Variants in FRRS1L observed in about 807,000 individuals in gnomAD.
FRRS1L encodes the protein ferric chelate reductase 1 like, also known as DOMON domain-containing protein FRRS1L.
In FRRS1L, 22 loss-of-function variants were observed where a neutral mutation model predicts 28.6. The observed-to-expected ratio is 0.77, with a 90% CI of 0.55 to 1.10. FRRS1L has a LOEUF of 1.10. FRRS1L is among the 50% of genes least tolerant of loss of function. FRRS1L has a pLI of 0.00. For synonymous variants in FRRS1L, 158 were observed against 151.4 expected, an observed-to-expected ratio of 1.04 and a Z score of -0.32; for missense variants, 380 against 386.9, an observed-to-expected ratio of 0.98 and a Z score of 0.15.
chr9:109,161,858 G>T (rs547127103), intron 1 of FRRS1L, among the ~76,000 whole-genome samples: 1 of 152,238 alleles, frequency 6.6e-6, no homozygotes, highest in African/African-American at 2.4e-5. Flanking sequence ...TCTTTTCAGG[G>T]TCGTATTATG....
chr9:109,132,831 C>T lies in FRRS1L; in HGVS notation c.*4624G>A, dbSNP rs1210425338. On this transcript the variant is annotated 3_prime_UTR_variant, in exon 5 of 5. Transcript: ENST00000561981. ...CAATTAAGTTTTATTGGAACATAGC[C>T]ATGCTCATTCATTTATGTATTGTTT... The T allele has an allele frequency of 6.6e-6, 1 of 152,160 alleles. No individual in the cohort carries two copies. Among genetic ancestry groups the T allele is most frequent in the Non-Finnish European group, 1.5e-5 (1 of 68,042 alleles). 9.4% of individuals were successfully genotyped at this position (152,160 alleles called of 1,614,324 possible). A position where few individuals can be genotyped will look rare whatever the true frequency, so the allele number is the denominator to read the frequency against.
intron 2 of FRRS1L, chr9:109,148,200 C>T (rs1026325709): frequency 6.6e-6 from 1 of 152,056 alleles, no homozygotes; most frequent in African/African-American, 2.4e-5. Context: ...AACTCCTGAC[C>T]TCAGGTGATC....
intron 1 of FRRS1L, among the ~76,000 whole-genome samples, chr9:109,161,646 T>C (rs1831481923): frequency 6.6e-6 from 1 of 152,240 alleles, no homozygotes; most frequent in African/African-American, 2.4e-5. Flanking sequence ...CAATCCCTTT[T>C]ACCACACTCT....
intron 3 of FRRS1L, 21 bp from the exon 4 acceptor site, chr9:109,141,610 G>GAAAAAAAAAAA: frequency 1.3e-6 from 2 of 1,490,724 alleles, no homozygotes; most frequent in Admixed American, 4.0e-5. Flanking sequence ...AAATGATTGA[G>GAAAAAAAAAAA]AAAAAAAAAA....
intron 1 of FRRS1L, among the ~76,000 whole-genome samples, chr9:109,163,530 T>C (rs1831504875): frequency 6.6e-6 from 1 of 152,152 alleles, no homozygotes; most frequent in Non-Finnish European, 1.5e-5. Flanking sequence ...ATCATTTTCT[T>C]GAGACAGCAA....
chr9:109,141,113 G>A (rs980248359), intron 4 of FRRS1L: 19 of 578,468 alleles, frequency 3.3e-5, no homozygotes, highest in African/African-American at 3.0e-4. Context: ...ATACTATCTT[G>A]TACTGCTGTA....
Position 109,166,997 on chromosome 9 carries a change from C to A in FRRS1L, c.142G>T (p.Gly48Trp). 1 of 1,259,686 alleles carries A rather than the reference C, an allele frequency of 7.9e-7. No homozygotes were observed. 78.0% of individuals were successfully genotyped at this position (1,259,686 alleles called of 1,614,324 possible). ...ACCGCCTCGTCGGCGCCCGTGTCCC[C>A]CCGCGCGCGTCCCCGGGGTCCCCGG... The part of the protein sequence containing the change: ...GGRGPRGRAR[G>W]DTGADEAVPR... Residue 48 changes from glycine (G) to tryptophan (W), a missense_variant, in exon 1 of 5, where the codon GGG (glycine) becomes TGG (tryptophan). Gly to Trp is a radical substitution (Grantham distance 184). Coordinates refer to ENST00000561981, the MANE Select transcript of FRRS1L (RefSeq NM_014334.4).
chr9:109,152,439 C>T lies in FRRS1L; in HGVS notation c.239-2719G>A, dbSNP rs571617541. Among the ~76,000 whole-genome samples, 18 of 152,010 alleles carry T rather than the reference C, an allele frequency of 1.2e-4. No homozygotes were observed. In the South Asian group the frequency reaches 2.3e-3, roughly 19 times the overall value. On this transcript the variant is annotated intron_variant, in intron 1 of 4. Coordinates refer to ENST00000561981, the MANE Select transcript of FRRS1L (RefSeq NM_014334.4). ...CTGGGATTACAGGCATGAGCCACTG[C>T]GCCTGGCCCTATTAAATTTTGTAAA...
chr9:109,155,981 T>A (rs78945649), intron 1 of FRRS1L, among the ~76,000 whole-genome samples: 9,564 of 152,152 alleles, frequency 0.063, 377 homozygotes, highest in African/African-American at 0.091. Flanking sequence ...AGAAAAAAAA[T>A]GGATGCTTGC....
At chr9:109,166,715 C>A (rs1831554752) in intron 1 of FRRS1L, among the ~76,000 whole-genome samples, 186 bp downstream of exon 1, 1 of 152,018 alleles carries the variant, frequency 6.6e-6, no homozygotes, top group Admixed American at 6.5e-5. Flanking sequence ...TTGGGCCTTT[C>A]CTCCAGGCCG....
chr9:109,156,572 G>T (rs1831409249), intron 1 of FRRS1L, among the ~76,000 whole-genome samples: 1 of 151,006 alleles, frequency 6.6e-6, no homozygotes, highest in Non-Finnish European at 1.5e-5. Context: ...TGTACTTTTA[G>T]TAGAGACGGG....
At chr9:109,154,544 C>G (rs561074466) in intron 1 of FRRS1L, among the ~76,000 whole-genome samples, 1 of 152,146 alleles carries the variant, frequency 6.6e-6, no homozygotes, top group African/African-American at 2.4e-5. Context: ...TTAGACAATT[C>G]TAATGGGAAA....
rs1033991117 is a variant in FRRS1L, at chr9:109,133,352, GAT to G, written c.*4101_*4102del. ...ATGCTTTTAAGCAGAAAAGAAAGTT[GAT>G]ATAGAGTAAAACATGCTCCTTTCCT... On this transcript the variant is annotated 3_prime_UTR_variant, in exon 5 of 5. Coordinates refer to ENST00000561981, the MANE Select transcript of FRRS1L (RefSeq NM_014334.4). 6.6e-6 allele frequency: 1 copy of G among 152,172 alleles called. No homozygotes were observed. The highest frequency in any genetic ancestry group is 2.4e-5 in the African/African-American group (1 of 41,452). 9.4% of individuals were successfully genotyped at this position (152,172 alleles called of 1,614,324 possible).
intron 1 of FRRS1L, among the ~76,000 whole-genome samples, chr9:109,163,389 G>C (rs369340557): frequency 1.3e-5 from 2 of 152,200 alleles, no homozygotes; most frequent in African/African-American, 2.4e-5. Flanking sequence ...ATCAGGGAAG[G>C]CTTCCTGAAA....
chr9:109,163,441 G>T (rs544643230), intron 1 of FRRS1L, among the ~76,000 whole-genome samples: 1 of 152,240 alleles, frequency 6.6e-6, no homozygotes, highest in African/African-American at 2.4e-5. Context: ...GAGTAGTATA[G>T]GCTTAGACAG....
chr9:109,142,676 T>C (rs561774932), intron 3 of FRRS1L, among the ~76,000 whole-genome samples: 3 of 152,180 alleles, frequency 2.0e-5, no homozygotes, highest in Non-Finnish European at 4.4e-5. Context: ...TAGCTGGGCA[T>C]GGGGCTCATG....
At position 109,131,726 on chromosome 9, in the gene FRRS1L, G is replaced by C. The variant is rs1831058562; in HGVS notation, c.*5729C>G. 6.6e-6 allele frequency: 1 copy of C among 152,190 alleles called. No individual in the cohort carries two copies. The allele number at this position is 152,190 out of a possible 1,614,324, so 9.4% of individuals were successfully genotyped here. A position where few individuals can be genotyped will look rare whatever the true frequency, so the allele number is the denominator to read the frequency against. On this transcript the variant is annotated 3_prime_UTR_variant, in exon 5 of 5. Coordinates refer to ENST00000561981, the MANE Select transcript of FRRS1L (RefSeq NM_014334.4). The stretch of plus-strand genomic sequence containing the variant: ...TTAAGTTGAACCATCCAAATTCGGG[G>C]ATCGTCTGTGTATATAAACACATGG...
chr9:109,161,307 AT>A (rs1215196229), intron 1 of FRRS1L, among the ~76,000 whole-genome samples: 1 of 151,806 alleles, frequency 6.6e-6, no homozygotes, highest in Admixed American at 6.6e-5. Flanking sequence ...TTTTGATGCT[AT>A]TTTTTTCCCT....
intron 1 of FRRS1L, among the ~76,000 whole-genome samples, chr9:109,152,524 G>T (rs1831342776): frequency 6.6e-6 from 1 of 151,796 alleles, no homozygotes; most frequent in South Asian, 2.1e-4. Flanking sequence ...ACAAGTTTCA[G>T]CTGGGCATGG....
Sources: allele counts gnomAD v4.1 joint callset (sites outside exome capture counted in the v4.1 genomes callset), GRCh38; gene constraint gnomAD v4.1.1; transcripts MANE v1.5; gene names NCBI Gene and HGNC (gene_info 2026-07-23, HGNC 2026-07-21).